Variants in ANKIB1 observed in about 807,000 individuals in gnomAD.
ANKIB1 encodes ankyrin repeat and IBR domain containing 1.
ANKIB1 carries 43 observed loss-of-function variants against 122.1 expected under a neutral mutation model. The ratio of observed to expected loss-of-function variants is 0.35; its 90% CI spans 0.28 to 0.45. The LOEUF (loss-of-function observed/expected upper bound fraction) is 0.45. ANKIB1 is among the 20% of genes least tolerant of loss of function. The probability of loss-of-function intolerance (pLI) is 1.00; values close to 1 mark genes in which losing one functional copy is unlikely to be tolerated. For missense variants in ANKIB1, 992 were observed against 1,329.5 expected, an observed-to-expected ratio of 0.75 and a Z score of 3.95; for synonymous variants, 390 against 442.0, an observed-to-expected ratio of 0.88 and a Z score of 1.48.
intron 11 of ANKIB1, among the ~76,000 whole-genome samples, chr7:92,379,368 G>C (rs1332332198): frequency 1.3e-5 from 2 of 152,166 alleles, no homozygotes; most frequent in Non-Finnish European, 2.9e-5. Flanking sequence ...CTCCAGCCTA[G>C]GTGACAGAGC....
intron 11 of ANKIB1, among the ~76,000 whole-genome samples, chr7:92,376,257 G>A (rs1400938723): frequency 6.6e-6 from 1 of 152,172 alleles, no homozygotes; most frequent in Admixed American, 6.5e-5. Flanking sequence ...TTTGGAGCCA[G>A]ACATTGACTT....
chr7:92,308,965 T>C (rs1802628771), intron 3 of ANKIB1, among the ~76,000 whole-genome samples: 1 of 152,204 alleles, frequency 6.6e-6, no homozygotes, highest in African/African-American at 2.4e-5. Context: ...ATGTTGTTCA[T>C]GTATACTTTA....
rs192552294 is a variant in ANKIB1 at position 92,350,702 on chromosome 7, T to C, written c.1086-248T>C. ...GCAAGACCCATCGCTAGCAAAAATTTAAAAATTAGCCCAGCATAGCAGCAT... is the reference window on the plus strand; with the variant it reads ...GCAAGACCCATCGCTAGCAAAAATTCAAAAATTAGCCCAGCATAGCAGCAT... On this transcript the variant is annotated intron_variant, in intron 7 of 19. Coordinates refer to ENST00000265742, the MANE Select transcript of ANKIB1 (RefSeq NM_019004.2). Among the ~76,000 whole-genome samples, 317 of 152,148 alleles carry C rather than the reference T, an allele frequency of 2.1e-3. 2 individuals are homozygous for C. Among genetic ancestry groups the C allele is most frequent in the African/African-American group, 7.2e-3 (298 of 41,496 alleles).
chr7:92,289,192 G>T (rs1802197743), intron 1 of ANKIB1, among the ~76,000 whole-genome samples: 1 of 152,178 alleles, frequency 6.6e-6, no homozygotes, highest in South Asian at 2.1e-4. Flanking sequence ...AATAAGGGTT[G>T]AACTATTGAT....
At chr7:92,262,630 A>G (rs1476628737) in intron 1 of ANKIB1, among the ~76,000 whole-genome samples, 1 of 152,206 alleles carries the variant, frequency 6.6e-6, no homozygotes, top group Non-Finnish European at 1.5e-5. Flanking sequence ...TACAGGAAAG[A>G]GAAGAAGAAA....
chr7:92,272,214 C>T (rs999730904), intron 1 of ANKIB1, among the ~76,000 whole-genome samples: 15 of 151,348 alleles, frequency 9.9e-5, no homozygotes, highest in African/African-American at 3.2e-4. Context: ...AAAACAGAAC[C>T]GCACCAAGGC....
At chr7:92,392,547 C>T (rs1216484012) in intron 17 of ANKIB1, among the ~76,000 whole-genome samples, 1 of 151,970 alleles carries the variant, frequency 6.6e-6, no homozygotes, top group Admixed American at 6.6e-5. Context: ...TTACAATATA[C>T]ATTTTTGGAA....
intron 11 of ANKIB1, among the ~76,000 whole-genome samples, chr7:92,383,067 T>G (rs188796590): frequency 6.6e-6 from 1 of 152,178 alleles, no homozygotes; most frequent in African/African-American, 2.4e-5. Context: ...ATATCACCAC[T>G]AATCCCACAG....
At chr7:92,318,040 A>G (rs1422195039) in intron 3 of ANKIB1, among the ~76,000 whole-genome samples, 1 of 152,172 alleles carries the variant, frequency 6.6e-6, no homozygotes, top group East Asian at 1.9e-4. Flanking sequence ...TCTGAATCCC[A>G]GTTCTACTGC....
chr7:92,362,408 C>T (rs1803972195), intron 10 of ANKIB1, 135 bp downstream of exon 10: 2 of 754,232 alleles, frequency 2.7e-6, no homozygotes, highest in Non-Finnish European at 4.3e-6. Flanking sequence ...TTTAACATCA[C>T]AATCCCTTTG....
At chr7:92,330,565 G>A (rs924461566) in intron 5 of ANKIB1, among the ~76,000 whole-genome samples, 29 of 151,884 alleles carry the variant, frequency 1.9e-4, no homozygotes, top group African/African-American at 5.8e-4. Flanking sequence ...ATTTTTGGCC[G>A]GGCGCAGTGG....
rs558971857 is a variant in ANKIB1 at position 92,361,810 on chromosome 7, T to G, written c.1398-375T>G. ...AAAATTGGAAGAATACTTTCTACTT[T>G]TTTTGTTTTTTTTTTTTAAATGGAG... On this transcript the variant is annotated intron_variant, in intron 9 of 19. Transcript: ENST00000265742. 8.5e-5 allele frequency among the ~76,000 whole-genome samples: 13 copies of G among 152,160 alleles called. No homozygotes were observed. In the South Asian group the frequency reaches 2.7e-3, roughly 32 times the overall value.
At chr7:92,252,167 A>T (rs537088055) in intron 1 of ANKIB1, among the ~76,000 whole-genome samples, 24 of 152,280 alleles carry the variant, frequency 1.6e-4, no homozygotes, top group South Asian at 8.3e-4. Context: ...GATATTGGCA[A>T]GATTATATTT....
intron 1 of ANKIB1, among the ~76,000 whole-genome samples, chr7:92,283,300 T>G (rs1802048665): frequency 6.6e-6 from 1 of 152,216 alleles, no homozygotes; most frequent in African/African-American, 2.4e-5. Context: ...CTTTCTCGGT[T>G]AAAATATTTT....
rs199578051 is a variant in ANKIB1, at chr7:92,398,708, G to T, written c.3029G>T (p.Gly1010Val). 24 of 1,613,764 alleles carry T rather than the reference G, an allele frequency of 1.5e-5. 1 individual carries two copies. In the East Asian group the frequency reaches 3.6e-4, roughly 24 times the overall value. ...CCCTGTATCAAAGATGGGTCAGAAG[G>T]TGTGAAGGATGTGGAACTGGTGCTG... is the stretch of plus-strand genomic sequence containing the variant. ...QLPCIKDGSE[G>V]VKDVELVLPE... The change falls in exon 20 of 20, where the codon GGT becomes GTT. Residue 1010 changes from glycine (G) to valine (V), a missense_variant. This residue lies in a region of ANKIB1 where 384 missense variants were observed against 412.0 expected (regional missense o/e 0.93). Coordinates refer to ENST00000265742, the MANE Select transcript of ANKIB1 (RefSeq NM_019004.2).
chr7:92,314,862 T>G (rs1354604261), intron 3 of ANKIB1, among the ~76,000 whole-genome samples: 1 of 152,152 alleles, frequency 6.6e-6, no homozygotes, highest in Non-Finnish European at 1.5e-5. Context: ...GTTAGAAGAT[T>G]AATGCGCTAA....
chr7:92,389,993 C>T lies in ANKIB1; in HGVS notation c.1929C>T (p.Thr643=), dbSNP rs200519831. 578 of 1,599,276 alleles carry T rather than the reference C, an allele frequency of 3.6e-4. No homozygotes were observed. The highest frequency in any genetic ancestry group is 4.2e-4 in the Non-Finnish European group (491 of 1,175,304). Residue 643 remains threonine, a synonymous_variant, in exon 15 of 20, where the codon ACC becomes ACT. Coordinates refer to ENST00000265742, the MANE Select transcript of ANKIB1 (RefSeq NM_019004.2). ...TAGCTGAAGGAGGCTGTCCAGATAC[C>T]ACTTTCATTGAAGATGCAGTTCATG... The part of the protein sequence containing the change: ...LKETEGGCPD[T]TFIEDAVHVL...
chr7:92,250,266 G>A (rs1020214650), intron 1 of ANKIB1, among the ~76,000 whole-genome samples: 1 of 151,988 alleles, frequency 6.6e-6, no homozygotes, highest in African/African-American at 2.4e-5. Flanking sequence ...GGTGGCACAT[G>A]CCTGTAATCC....
At chr7:92,339,391 TA>T (rs1803387840) in intron 5 of ANKIB1, among the ~76,000 whole-genome samples, 1 of 152,134 alleles carries the variant, frequency 6.6e-6, no homozygotes, top group Non-Finnish European at 1.5e-5. Context: ...CTATACTTTT[TA>T]AATAAATAAT....
Sources: allele counts gnomAD v4.1 joint callset (sites outside exome capture counted in the v4.1 genomes callset), GRCh38; gene constraint gnomAD v4.1.1; regional missense constraint gnomAD v4.1.1; transcripts MANE v1.5; gene names NCBI Gene and HGNC (gene_info 2026-07-23, HGNC 2026-07-21).